Variants in CRPPA observed in about 807,000 individuals in gnomAD.
CRPPA encodes D-ribitol-5-phosphate cytidylyltransferase.
Under a neutral mutation model 52.0 loss-of-function variants are expected in CRPPA, and 43 were observed. The ratio of observed to expected loss-of-function variants is 0.83; its 90% CI spans 0.65 to 1.07. CRPPA has a LOEUF of 1.07. Ranked by LOEUF, CRPPA falls within the 50% of genes least tolerant of loss-of-function variation. CRPPA has a pLI of 0.00. For synonymous variants in CRPPA, 250 were observed against 203.5 expected, an observed-to-expected ratio of 1.23 and a Z score of -1.94; for missense variants, 629 against 551.7, an observed-to-expected ratio of 1.14 and a Z score of -1.40.
chr7:16,142,918 A>G (rs925387006), intron 9 of CRPPA, among the ~76,000 whole-genome samples: 2 of 152,248 alleles, frequency 1.3e-5, no homozygotes, highest in Non-Finnish European at 2.9e-5. Context: ...TTAAAGGTGA[A>G]TAATAAATGC....
chr7:16,213,297 A>G (rs1369289254), intron 9 of CRPPA, among the ~76,000 whole-genome samples: 1 of 152,212 alleles, frequency 6.6e-6, no homozygotes, highest in Non-Finnish European at 1.5e-5. Flanking sequence ...TGAAAAGTGA[A>G]TAATATTTTA....
intron 9 of CRPPA, among the ~76,000 whole-genome samples, chr7:16,184,437 G>C (rs1781468060): frequency 6.6e-6 from 1 of 151,664 alleles, no homozygotes; most frequent in Admixed American, 6.6e-5. Flanking sequence ...ATATTTTATT[G>C]ATATCCCACC....
At chr7:16,289,899 T>A (rs894617290) in intron 5 of CRPPA, among the ~76,000 whole-genome samples, 4 of 152,112 alleles carry the variant, frequency 2.6e-5, no homozygotes, top group African/African-American at 9.7e-5. Context: ...CTATCATAGA[T>A]GACATAATCT....
intron 2 of CRPPA, among the ~76,000 whole-genome samples, chr7:16,388,614 C>A (rs1787356708): frequency 2.6e-5 from 4 of 152,158 alleles, no homozygotes; most frequent in Admixed American, 2.6e-4. Flanking sequence ...GTGGCTCATG[C>A]CTGTAATCCC....
chr7:16,112,890 G>C (rs1051729117), intron 9 of CRPPA, among the ~76,000 whole-genome samples: 9 of 151,590 alleles, frequency 5.9e-5, no homozygotes, highest in Non-Finnish European at 7.4e-5. Flanking sequence ...TTTTTCCCCT[G>C]ATGGAATATG....
At chr7:16,112,057 G>A (rs903839361) in intron 9 of CRPPA, among the ~76,000 whole-genome samples, 9 of 152,168 alleles carry the variant, frequency 5.9e-5, no homozygotes, top group Non-Finnish European at 1.3e-4. Context: ...GCTGATGCCT[G>A]TAATCCCAGC....
intron 3 of CRPPA, among the ~76,000 whole-genome samples, chr7:16,317,854 C>T (rs1401762547): frequency 6.6e-6 from 1 of 152,142 alleles, no homozygotes; most frequent in Non-Finnish European, 1.5e-5. Context: ...CAATTTATAT[C>T]CCCACCAACA....
intron 4 of CRPPA, among the ~76,000 whole-genome samples, chr7:16,306,978 A>G (rs1784926391): frequency 6.6e-6 from 1 of 152,178 alleles, no homozygotes; most frequent in African/African-American, 2.4e-5. Flanking sequence ...CAACATTTTA[A>G]GTATTTAAGA....
chr7:16,120,568 A>G (rs1782462304), intron 9 of CRPPA, among the ~76,000 whole-genome samples: 1 of 152,114 alleles, frequency 6.6e-6, no homozygotes, highest in African/African-American at 2.4e-5. Context: ...AAAAGCTATA[A>G]CATCATTGTT....
intron 8 of CRPPA, among the ~76,000 whole-genome samples, chr7:16,234,626 A>G (rs1305697044): frequency 3.9e-5 from 6 of 152,136 alleles, no homozygotes; most frequent in Admixed American, 3.9e-4. Flanking sequence ...ATTTCCTCAT[A>G]TCTGCCTCCT....
chr7:16,378,504 C>G (rs1208164536), intron 2 of CRPPA, among the ~76,000 whole-genome samples: 1 of 151,822 alleles, frequency 6.6e-6, no homozygotes, highest in African/African-American at 2.4e-5. Flanking sequence ...TTAATCCAGT[C>G]TATCATTGTT....
At chr7:16,195,506 G>C (rs1266628641) in intron 9 of CRPPA, among the ~76,000 whole-genome samples, 1 of 151,974 alleles carries the variant, frequency 6.6e-6, no homozygotes, top group Non-Finnish European at 1.5e-5. Flanking sequence ...AGAAGAGCTG[G>C]GAAGGGCCTC....
intron 8 of CRPPA, 192 bp from the exon 9 acceptor site, chr7:16,216,389 G>C (rs1782310683): frequency 2.4e-6 from 1 of 418,462 alleles, no homozygotes; most frequent in African/African-American, 2.1e-5. Flanking sequence ...CACAGATGTA[G>C]TAAACACTCA....
chr7:16,256,168 T>C (rs773127412), intron 8 of CRPPA, among the ~76,000 whole-genome samples: 1 of 152,190 alleles, frequency 6.6e-6, no homozygotes, highest in Non-Finnish European at 1.5e-5. Flanking sequence ...AAGACACTTA[T>C]GTAGCCAAGA....
At chr7:16,306,907 G>A (rs545338499) in intron 4 of CRPPA, among the ~76,000 whole-genome samples, 25 of 152,120 alleles carry the variant, frequency 1.6e-4, no homozygotes, top group Admixed American at 1.2e-3. Flanking sequence ...TTTCTTTACC[G>A]CATAAATTTT....
At chr7:16,314,768 G>A (rs185199631) in intron 3 of CRPPA, among the ~76,000 whole-genome samples, 70 of 152,210 alleles carry the variant, frequency 4.6e-4, no homozygotes, top group African/African-American at 1.7e-3. Context: ...AGAGAAGTGA[G>A]ATGTAATTCT....
intron 6 of CRPPA, chr7:16,261,978 T>C (rs929228454): frequency 6.6e-6 from 1 of 152,144 alleles, no homozygotes; most frequent in African/African-American, 2.4e-5. Flanking sequence ...TCCATTATAT[T>C]TGGAATGAAT....
chr7:16,171,709 C>A (rs545317114), intron 9 of CRPPA, among the ~76,000 whole-genome samples: 1 of 152,194 alleles, frequency 6.6e-6, no homozygotes, highest in African/African-American at 2.4e-5. Context: ...AGGAGAACTG[C>A]GTGAACCCAG....
intron 9 of CRPPA, among the ~76,000 whole-genome samples, chr7:16,203,086 G>A (rs1482627579): frequency 2.6e-5 from 4 of 152,120 alleles, no homozygotes; most frequent in Non-Finnish European, 4.4e-5. Context: ...ATCTAGCTGC[G>A]CTTTAAGGTC....
Sources: allele counts gnomAD v4.1 joint callset (sites outside exome capture counted in the v4.1 genomes callset), GRCh38; gene constraint gnomAD v4.1.1; transcripts MANE v1.5; gene names NCBI Gene and HGNC (gene_info 2026-07-23, HGNC 2026-07-21).